Variants in HMCN1 observed in about 807,000 individuals in gnomAD.
HMCN1 encodes the protein hemicentin-1.
In HMCN1, 321 loss-of-function variants were observed where a neutral mutation model predicts 625.9. The observed-to-expected ratio is 0.51, with a 90% CI of 0.47 to 0.56. The LOEUF is 0.56. Among genes scored for constraint, HMCN1 ranks in the 20% least tolerant of loss-of-function variants. The pLI is 0.00. For missense variants in HMCN1, 6,588 were observed against 6,887.3 expected, an observed-to-expected ratio of 0.96 and a Z score of 1.54; for synonymous variants, 2,425 against 2,417.6, an observed-to-expected ratio of 1.00 and a Z score of -0.09.
intron 46 of HMCN1, among the ~76,000 whole-genome samples, chr1:186,061,020 A>G (rs965949662): frequency 1.3e-5 from 2 of 152,084 alleles, no homozygotes; most frequent in African/African-American, 4.8e-5. Context: ...CAATCTGGCC[A>G]TACTCCATCT....
intron 26 of HMCN1, among the ~76,000 whole-genome samples, chr1:186,000,961 C>G (rs1653155662): frequency 6.6e-6 from 1 of 151,926 alleles, no homozygotes; most frequent in Admixed American, 6.6e-5. Flanking sequence ...AATATTCACC[C>G]TCATCAACAA....
chr1:185,993,202 G>A lies in HMCN1; in HGVS notation c.3398G>A (p.Gly1133Asp). 1 of 1,612,356 alleles carries A rather than the reference G, an allele frequency of 6.2e-7. No homozygotes were observed. Among genetic ancestry groups the A allele is most frequent in the Non-Finnish European group, 8.5e-7 (1 of 1,178,660 alleles). ...FSPRHTFLPS[G>D]SMKITETRTS... ...TTTAGACACACATTCCTCCCTTCTGGTTCAATGAAGATCACTGAAACCCGC... is the reference window on the plus strand; with the variant it reads ...TTTAGACACACATTCCTCCCTTCTGATTCAATGAAGATCACTGAAACCCGC... Residue 1133 changes from glycine (G) to aspartate (D), a missense_variant, in exon 23 of 107, where the codon GGT becomes GAT. Transcript: ENST00000271588.
chr1:185,796,870 A>G (rs749172359), intron 1 of HMCN1, among the ~76,000 whole-genome samples: 2 of 152,202 alleles, frequency 1.3e-5, no homozygotes, highest in Non-Finnish European at 2.9e-5. Flanking sequence ...CAGAAGTGGG[A>G]TTGCTGGATC....
intron 95 of HMCN1, 146 bp from the exon 96 acceptor site, chr1:186,152,604 T>C (rs1650743535): frequency 2.2e-6 from 2 of 900,848 alleles, no homozygotes; most frequent in Non-Finnish European, 3.6e-6. Flanking sequence ...ATTGGGAGGT[T>C]AAGTGCTATT....
At chr1:186,031,427 CT>C (rs1655432197) in intron 36 of HMCN1, among the ~76,000 whole-genome samples, 1 of 151,498 alleles carries the variant, frequency 6.6e-6, no homozygotes, top group Non-Finnish European at 1.5e-5. Context: ...TTCTCTCTTA[CT>C]GCTTTCAAGA....
intron 33 of HMCN1, 74 bp downstream of exon 33, chr1:186,017,145 G>C (rs1035424695): frequency 8.7e-6 from 7 of 800,202 alleles, no homozygotes; most frequent in African/African-American, 8.4e-5. Context: ...CTTGAAAGCT[G>C]TTCTGTATCA....
At chr1:185,773,598 C>T (rs1656396820) in intron 1 of HMCN1, among the ~76,000 whole-genome samples, 1 of 152,118 alleles carries the variant, frequency 6.6e-6, no homozygotes, top group African/African-American at 2.4e-5. Flanking sequence ...ATGTACATTT[C>T]AACTGTGCCT....
At chr1:186,125,833 T>C (rs767388942) in intron 82 of HMCN1, 39 bp downstream of exon 82, 9 of 1,493,418 alleles carry the variant, frequency 6.0e-6, no homozygotes, top group African/African-American at 4.1e-5. Context: ...TTAAGCCAGA[T>C]TGTAAATTTG....
At chr1:185,905,053 A>C (rs973234304) in intron 4 of HMCN1, among the ~76,000 whole-genome samples, 2 of 151,878 alleles carry the variant, frequency 1.3e-5, no homozygotes, top group Non-Finnish European at 2.9e-5. Flanking sequence ...TAAAAATTAA[A>C]TACAATGTGA....
chr1:185,779,428 A>G (rs1396255207), intron 1 of HMCN1, among the ~76,000 whole-genome samples: 2 of 152,182 alleles, frequency 1.3e-5, no homozygotes, highest in African/African-American at 2.4e-5. Flanking sequence ...GCCCACGCCT[A>G]TGTCCTGAAT....
At chr1:186,127,917 T>G (rs1661727861) in intron 82 of HMCN1, among the ~76,000 whole-genome samples, 161 bp from the exon 83 acceptor site, 1 of 152,206 alleles carries the variant, frequency 6.6e-6, no homozygotes, top group Non-Finnish European at 1.5e-5. Flanking sequence ...TTTTAAATTA[T>G]GTTATGCAAA....
chr1:186,183,643 C>A (rs987242639), intron 105 of HMCN1, among the ~76,000 whole-genome samples: 1 of 152,120 alleles, frequency 6.6e-6, no homozygotes, highest in African/African-American at 2.4e-5. Context: ...TTCTAATGGG[C>A]ACCCATTAGA....
intron 15 of HMCN1, among the ~76,000 whole-genome samples, chr1:185,977,205 T>G (rs575326708): frequency 1.3e-5 from 2 of 152,168 alleles, no homozygotes; most frequent in Non-Finnish European, 2.9e-5. Flanking sequence ...TCTGTTACTT[T>G]GATTCGTATT....
chr1:185,896,895 C>T (rs1665524168), intron 4 of HMCN1, among the ~76,000 whole-genome samples: 1 of 152,332 alleles, frequency 6.6e-6, no homozygotes, highest in East Asian at 1.9e-4. Context: ...TCAGTTATAA[C>T]ATTTTGGCTG....
Position 185,734,868 on chromosome 1 carries a change from T to A in HMCN1, c.89T>A (p.Ile30Asn), listed in dbSNP as rs777116837. 5 of 1,613,870 alleles carry A rather than the reference T, an allele frequency of 3.1e-6. No individual in the cohort carries two copies. The African/African-American group carries it at 5.3e-5, about 17-fold the overall frequency. Residue 30 changes from isoleucine to asparagine, a missense_variant, in exon 1 of 107, where the codon ATC (isoleucine) becomes AAC (asparagine). Coordinates refer to ENST00000271588, the MANE Select transcript of HMCN1 (RefSeq NM_031935.3). ...CAAGATGCGAGCCCCCAGTCAGAGA[T>A]CAGAGCTGAGGAAATTCCCGAGGGG... The part of the protein sequence containing the change: ...LAQDASPQSE[I>N]RAEEIPEGAS...
At position 186,172,077 on chromosome 1, in the gene HMCN1, T is replaced by G; in HGVS notation, c.15760T>G (p.Cys5254Gly). Residue 5254 changes from cysteine to glycine, a missense_variant, in exon 102 of 107, where the codon TGC (cysteine) becomes GGC (glycine). By Grantham distance (159) the Cys-to-Gly change is radical. This residue lies in a region of HMCN1 where 1,954 missense variants were observed against 2,013.1 expected (regional missense o/e 0.97). Coordinates refer to ENST00000271588, the MANE Select transcript of HMCN1 (RefSeq NM_031935.3). ...TAAGAACACCCGTGGTGGCTATAAG[T>G]GCATTGATCTTTGTCCAAATGGAAT... ...HCKNTRGGYK[C>G]IDLCPNGMTK... 1 of 1,613,894 alleles carries G rather than the reference T, an allele frequency of 6.2e-7. No homozygotes were observed. Among genetic ancestry groups the G allele is most frequent in the South Asian group, 1.1e-5 (1 of 91,074 alleles).
At chr1:185,778,720 C>A (rs952992076) in intron 1 of HMCN1, among the ~76,000 whole-genome samples, 2 of 151,982 alleles carry the variant, frequency 1.3e-5, no homozygotes, top group African/African-American at 2.4e-5. Flanking sequence ...GTATATGTGC[C>A]ATATTTTCTT....
At chr1:185,805,778 G>A (rs562095480) in intron 1 of HMCN1, among the ~76,000 whole-genome samples, 91 of 152,222 alleles carry the variant, frequency 6.0e-4, no homozygotes, top group Non-Finnish European at 1.2e-3. Flanking sequence ...ACTTCTGAAG[G>A]TATTGTGAGC....
chr1:185,866,615 C>T (rs1663226499), intron 4 of HMCN1, among the ~76,000 whole-genome samples: 1 of 151,584 alleles, frequency 6.6e-6, no homozygotes, highest in Non-Finnish European at 1.5e-5. Flanking sequence ...ACCATGTTAG[C>T]CGGGATGATC....
Sources: gnomAD v4.1 joint callset for allele counts (sites outside exome capture counted in the v4.1 genomes callset) on GRCh38, gnomAD v4.1.1 for gene constraint, gnomAD v4.1.1 regional missense constraint, MANE v1.5 for transcripts, NCBI Gene and HGNC (gene_info 2026-07-23, HGNC 2026-07-21) for gene names.